ZNF469: variants seen among roughly 807,000 people sequenced by gnomAD.
ZNF469 encodes zinc finger protein 469.
A neutral mutation model predicts 1.0 loss-of-function variants in ZNF469; 1 was observed. The ratio of observed to expected loss-of-function variants is 1.00; its 90% CI spans 0.35 to 4.73. The LOEUF is 4.73. Ranked by LOEUF, ZNF469 falls within the 30% of genes most tolerant of loss-of-function variation. The pLI is 0.16. For synonymous variants in ZNF469, 2,703 were observed against 2,363.4 expected (o/e 1.14, Z -4.17); for missense variants, 6,100 against 5,356.3 (o/e 1.14, Z -4.33).
At chr16:88,386,209 C>T (rs1400091633) in intron 1 of ZNF469, among the ~76,000 whole-genome samples, 1 of 152,166 alleles carries the variant, frequency 6.6e-6, no homozygotes, top group African/African-American at 2.4e-5. Context: ...GGGAGGAGAC[C>T]TGGGAGAGTG....
At chr16:88,305,903 T>G in the ZNF469 span, among the ~76,000 whole-genome samples, 1 of 152,114 alleles carries the variant, frequency 6.6e-6, no homozygotes, top group Admixed American at 6.5e-5. Flanking sequence ...CACACTCTCA[T>G]GCACACCGAT....
At chr16:88,285,571 G>A in the ZNF469 span, among the ~76,000 whole-genome samples, 49 of 152,248 alleles carry the variant, frequency 3.2e-4, 2 homozygotes, top group Admixed American at 2.4e-3. Flanking sequence ...CCCAGGACCC[G>A]AGGCCCACCT....
the ZNF469 span, among the ~76,000 whole-genome samples, chr16:88,247,505 G>GGTATGAGTGAGTGAGT: frequency 6.9e-6 from 1 of 144,568 alleles, no homozygotes; most frequent in African/African-American, 2.6e-5. Context: ...AGTGAGTGAG[G>GGTATGAGTGAGTGAGT]GAATGAGTGA....
chr16:88,312,847 C>T, the ZNF469 span, among the ~76,000 whole-genome samples: 10 of 152,246 alleles, frequency 6.6e-5, no homozygotes, highest in Admixed American at 6.5e-4. Context: ...ACTACAGTAG[C>T]TTTGCAAGCC....
the ZNF469 span, among the ~76,000 whole-genome samples, chr16:88,212,541 T>A: frequency 6.6e-6 from 1 of 152,214 alleles, no homozygotes; most frequent in African/African-American, 2.4e-5. Flanking sequence ...TGTCATATTC[T>A]TCTCTTTCTT....
At chr16:88,350,272 G>GC in the ZNF469 span, among the ~76,000 whole-genome samples, 26 of 152,178 alleles carry the variant, frequency 1.7e-4, no homozygotes, top group Admixed American at 6.5e-4. Context: ...CAAGGGCCCT[G>GC]CCCCCCCGTC....
At chr16:88,199,047 G>C in the ZNF469 span, among the ~76,000 whole-genome samples, 1 of 152,170 alleles carries the variant, frequency 6.6e-6, no homozygotes, top group Admixed American at 6.5e-5. Flanking sequence ...CAGTGCTCCA[G>C]TCTGACCCTC....
At chr16:88,344,784 G>A in the ZNF469 span, among the ~76,000 whole-genome samples, 1 of 152,222 alleles carries the variant, frequency 6.6e-6, no homozygotes, top group Non-Finnish European at 1.5e-5. Context: ...CTATGGGTGT[G>A]TGCCCCGTGT....
At chr16:88,257,657 G>T in the ZNF469 span, among the ~76,000 whole-genome samples, 1 of 151,856 alleles carries the variant, frequency 6.6e-6, no homozygotes, top group Non-Finnish European at 1.5e-5. Flanking sequence ...TTTCATTTAG[G>T]CCTGGGATCC....
intron 1 of ZNF469, among the ~76,000 whole-genome samples, chr16:88,395,219 A>G (rs1480131892): frequency 7.1e-6 from 1 of 140,694 alleles, no homozygotes. Flanking sequence ...GGATGGGTGG[A>G]TGGATGGGTG....
intron 1 of ZNF469, among the ~76,000 whole-genome samples, chr16:88,415,985 C>G (rs1348123405): frequency 2.0e-5 from 3 of 152,136 alleles, no homozygotes; most frequent in African/African-American, 7.2e-5. Context: ...CCACCCAGCT[C>G]CCACCCCGGG....
rs748602541 is a variant in ZNF469 at position 88,431,849 on chromosome 16, C to T, written c.4379C>T (p.Pro1460Leu). 27 of 1,549,898 alleles carry T rather than the reference C, an allele frequency of 1.7e-5. No homozygotes were observed. Among genetic ancestry groups the T allele is most frequent in the East Asian group, 2.4e-5 (1 of 40,920 alleles). The part of the protein sequence containing the change: ...LESSSLFPDL[P>L]VDRFDPPLYG... ...TCCTCATCCCTCTTCCCAGACCTGC[C>T]GGTGGACAGATTCGACCCACCCCTC... Residue 1460 changes from proline to leucine, a missense_variant, in exon 3 of 3, where the codon CCG becomes CTG. By Grantham distance (98) the Pro-to-Leu change is moderately conservative. Transcript: ENST00000565624.
chr16:88,370,933 T>A, the ZNF469 span, among the ~76,000 whole-genome samples: 1 of 152,188 alleles, frequency 6.6e-6, no homozygotes, highest in East Asian at 1.9e-4. Flanking sequence ...GCCATGTGAG[T>A]GAGCCAGGCT....
the ZNF469 span, among the ~76,000 whole-genome samples, chr16:88,152,837 G>A: frequency 2.6e-5 from 4 of 152,294 alleles, no homozygotes; most frequent in African/African-American, 4.8e-5. This position sits in a 1 kb window ranked among gnomAD's most constrained non-coding sequence, Gnocchi z 4.2. Context: ...GACACAAACC[G>A]CTGTCTAATG....
the ZNF469 span, among the ~76,000 whole-genome samples, chr16:88,256,895 C>CTTTCTTTCTTTCT: frequency 1.2e-4 from 6 of 51,430 alleles, 2 homozygotes; most frequent in East Asian, 8.6e-4. Flanking sequence ...CTTTTCTTTC[C>CTTTCTTTCTTTCT]TTCTTTCTTT....
chr16:88,112,670 T>C, the ZNF469 span, among the ~76,000 whole-genome samples: 4 of 152,268 alleles, frequency 2.6e-5, no homozygotes, highest in Admixed American at 2.6e-4. Flanking sequence ...TCATTATATG[T>C]TCTGGTTATG....
the ZNF469 span, among the ~76,000 whole-genome samples, chr16:88,364,515 A>AGCT: frequency 7.0e-6 from 1 of 142,634 alleles, no homozygotes; most frequent in Non-Finnish European, 1.5e-5. Context: ...AAAAAAAAAA[A>AGCT]GCTGCTGGGA....
chr16:88,295,371 G>T, the ZNF469 span, among the ~76,000 whole-genome samples: 2 of 68,508 alleles, frequency 2.9e-5, no homozygotes, highest in African/African-American at 1.1e-4. Context: ...GTCTGGGGAG[G>T]ACGTCATCTC....
At chr16:88,143,875 C>T in the ZNF469 span, among the ~76,000 whole-genome samples, 1 of 152,166 alleles carries the variant, frequency 6.6e-6, no homozygotes. Context: ...CCAGCGGCAC[C>T]AGACCAAGGA....
Sources: allele counts gnomAD v4.1 joint callset (sites outside exome capture counted in the v4.1 genomes callset), GRCh38; gene constraint gnomAD v4.1.1; non-coding constraint Gnocchi (gnomAD v3.1); transcripts MANE v1.5; gene names NCBI Gene and HGNC (gene_info 2026-07-23, HGNC 2026-07-21).